Variants in CNGB1 observed in about 807,000 individuals in gnomAD.
CNGB1 encodes the protein cyclic nucleotide-gated channel beta-1.
A neutral mutation model predicts 151.7 loss-of-function variants in CNGB1; 126 were observed. The ratio of observed to expected loss-of-function variants is 0.83; its 90% CI spans 0.72 to 0.96. The LOEUF is 0.96. Among genes scored for constraint, CNGB1 ranks in the 40% least tolerant of loss-of-function variants. CNGB1 has a pLI of 0.00. For synonymous variants in CNGB1, 623 were observed against 635.1 expected, an observed-to-expected ratio of 0.98 and a Z score of 0.29; for missense variants, 1,698 against 1,627.0, an observed-to-expected ratio of 1.04 and a Z score of -0.75.
At chr16:57,913,913 G>C (rs1004670434) in intron 23 of CNGB1, among the ~76,000 whole-genome samples, 10 of 152,216 alleles carry the variant, frequency 6.6e-5, no homozygotes, top group Non-Finnish European at 1.5e-4. Context: ...GTATGTGAGA[G>C]AGTCAGCATT....
chr16:57,897,683 C>G, intron 30 of CNGB1, 113 bp downstream of exon 30: 2 of 1,511,712 alleles, frequency 1.3e-6, no homozygotes, highest in Non-Finnish European at 1.8e-6. Flanking sequence ...CCGCATACAT[C>G]AGCAGGTGCC....
intron 6 of CNGB1, 55 bp downstream of exon 6, chr16:57,962,787 G>A: frequency 6.2e-7 from 1 of 1,607,018 alleles, no homozygotes; most frequent in Non-Finnish European, 8.5e-7. Context: ...CATCCCAGCA[G>A]CCCCTCAGCC....
chr16:57,946,834 C>T (rs1374529206), intron 14 of CNGB1, among the ~76,000 whole-genome samples: 2 of 152,192 alleles, frequency 1.3e-5, no homozygotes, highest in Non-Finnish European at 2.9e-5. Flanking sequence ...CTCCCTTGTC[C>T]CTCCCTGGGC....
intron 18 of CNGB1, 51 bp from the exon 19 acceptor site, chr16:57,920,595 G>A (rs1224034822): frequency 6.2e-7 from 1 of 1,600,024 alleles, no homozygotes. Flanking sequence ...AGGGACCTGT[G>A]CACCCCCAGG....
At chr16:57,950,806 G>T (rs1475413933) in intron 12 of CNGB1, among the ~76,000 whole-genome samples, 5 of 152,204 alleles carry the variant, frequency 3.3e-5, no homozygotes, top group African/African-American at 1.2e-4. Context: ...GGTTGATCCT[G>T]TTTGTTTCTC....
intron 7 of CNGB1, 113 bp downstream of exon 7, chr16:57,962,452 G>T: frequency 1.1e-6 from 1 of 906,272 alleles, no homozygotes; most frequent in East Asian, 2.4e-5. Context: ...GAGACGGGAG[G>T]CATGTCCAAG....
intron 14 of CNGB1, 54 bp from the exon 15 acceptor site, chr16:57,940,375 G>A: frequency 6.5e-7 from 1 of 1,527,418 alleles, no homozygotes; most frequent in Non-Finnish European, 8.9e-7. Context: ...GGGTGTTAAA[G>A]GTTTCCCCAG....
At chr16:57,933,951 G>A (rs1331235101) in intron 16 of CNGB1, among the ~76,000 whole-genome samples, 1 of 152,016 alleles carries the variant, frequency 6.6e-6, no homozygotes. Flanking sequence ...TTGAACTCCT[G>A]ATCTCAGGTG....
intron 31 of CNGB1, among the ~76,000 whole-genome samples, chr16:57,896,869 T>G (rs1960244417): frequency 6.6e-6 from 1 of 152,094 alleles, no homozygotes; most frequent in African/African-American, 2.4e-5. Flanking sequence ...GCACCTTAAT[T>G]ACAATATGTG....
At chr16:57,931,108 A>G (rs1961333850) in intron 17 of CNGB1, among the ~76,000 whole-genome samples, 1 of 151,922 alleles carries the variant, frequency 6.6e-6, no homozygotes, top group South Asian at 2.1e-4. Flanking sequence ...TTAATTCTGT[A>G]ACATTTATTA....
chr16:57,949,296 G>A, intron 14 of CNGB1, 57 bp downstream of exon 14: 1 of 1,601,058 alleles, frequency 6.2e-7, no homozygotes, highest in South Asian at 1.1e-5. Context: ...CAGACCCCAG[G>A]AGCTCAGCCA....
chr16:57,955,324 G>A (rs1216709928), intron 12 of CNGB1: 1 of 1,551,690 alleles, frequency 6.4e-7, no homozygotes, highest in African/African-American at 1.4e-5. Flanking sequence ...AGCTCTCCCA[G>A]ATTCCCTTCT....
In CNGB1 at chr16:57,884,417, G is replaced by C. The variant is rs1161867969; in HGVS notation, c.3503C>G (p.Ala1168Gly). 1.2e-6 allele frequency: 2 copies of C among 1,613,648 alleles called. No homozygotes were observed. Among genetic ancestry groups the C allele is most frequent in the Non-Finnish European group, 1.7e-6 (2 of 1,179,918 alleles). ...TGGGTGCGTGTGCTGGTCTGGGGCG[G>C]CGGAGCCTTCCTCTCCCTTGACGTC... is the stretch of plus-strand genomic sequence containing the variant. ...SQDVKGEEGS[A>G]APDQHTHPKE... Residue 1168 changes from alanine (A) to glycine (G), a missense_variant, in exon 33 of 33, where the codon GCC becomes GGC. Coordinates refer to ENST00000251102, the MANE Select transcript of CNGB1 (RefSeq NM_001297.5).
At chr16:57,903,328 C>T (rs1338334933) in intron 27 of CNGB1, among the ~76,000 whole-genome samples, 5 of 151,336 alleles carry the variant, frequency 3.3e-5, no homozygotes, top group Non-Finnish European at 7.4e-5. Context: ...CTCGTCTCTA[C>T]TAATAATATA....
Position 57,911,748 on chromosome 16 carries a change from C to G in CNGB1, c.2492+5G>C, listed in dbSNP as rs1348761242. On this transcript the variant is annotated splice_donor_5th_base_variant and intron_variant, in intron 25 of 32. Coordinates refer to ENST00000251102, the MANE Select transcript of CNGB1 (RefSeq NM_001297.5). ...CATGGCCCCAGGGGGAGGACTGTGG[C>G]TCACCTGTTTCCCACGCCATCGTAA... 6.2e-7 allele frequency: 1 copy of G among 1,613,798 alleles called. No individual in the cohort carries two copies. The highest frequency in any genetic ancestry group is 1.7e-5 in the Admixed American group (1 of 60,018).
intron 2 of CNGB1, among the ~76,000 whole-genome samples, chr16:57,965,270 C>T (rs1962362778): frequency 6.6e-6 from 1 of 152,032 alleles, no homozygotes; most frequent in South Asian, 2.1e-4. Context: ...CATGTGCACA[C>T]ACGTACAGGC....
chr16:57,926,166 A>C (rs1961182453), intron 17 of CNGB1, among the ~76,000 whole-genome samples: 1 of 152,148 alleles, frequency 6.6e-6, no homozygotes, highest in Non-Finnish European at 1.5e-5. Flanking sequence ...CCCCAGCTGG[A>C]GTGTCAGAGG....
At chr16:57,962,389 T>C (rs1233598964) in intron 7 of CNGB1, among the ~76,000 whole-genome samples, 176 bp downstream of exon 7, 2 of 151,908 alleles carry the variant, frequency 1.3e-5, no homozygotes, top group African/African-American at 4.8e-5. Flanking sequence ...CCACAAACCA[T>C]GAGCAGCACA....
chr16:57,947,158 A>G (rs1300752013), intron 14 of CNGB1, among the ~76,000 whole-genome samples: 1 of 151,694 alleles, frequency 6.6e-6, no homozygotes, highest in African/African-American at 2.4e-5. Context: ...GGTATAGTGC[A>G]GATATGTGTG....
Sources: allele counts gnomAD v4.1 joint callset (sites outside exome capture counted in the v4.1 genomes callset), GRCh38; gene constraint gnomAD v4.1.1; transcripts MANE v1.5; gene names NCBI Gene and HGNC (gene_info 2026-07-23, HGNC 2026-07-21).